LARP7: variants seen among roughly 807,000 people sequenced by gnomAD.
LARP7 encodes the protein la-related protein 7.
In LARP7, 52 loss-of-function variants were observed where a neutral mutation model predicts 69.3. The observed-to-expected ratio is 0.75, with a 90% confidence interval of 0.60 to 0.95. The LOEUF is 0.95. Among genes scored for constraint, LARP7 ranks in the 40% least tolerant of loss-of-function variants. LARP7 has a pLI of 0.00. For missense variants in LARP7, 733 were observed against 673.0 expected (o/e 1.09, Z -0.99); for synonymous variants, 254 against 215.9 (o/e 1.18, Z -1.55).
intron 12 of LARP7, chr4:112,655,269 A>C (rs2048909780): frequency 6.6e-6 from 1 of 152,234 alleles, no homozygotes; most frequent in Non-Finnish European, 1.5e-5. Context: ...ACTTTGTTAA[A>C]TAATACCCTT....
At position 112,657,333 on chromosome 4, in the gene LARP7, A is replaced by C. The variant is rs575473316; in HGVS notation, c.*6A>C. On this transcript the variant is annotated 3_prime_UTR_variant, in exon 13 of 13. Transcript: ENST00000344442. ...GATTTTCTGAATATGATTGAAAAAA[A>C]AAACAGTTCACCTCTTAATACTTCA... The C allele has an allele frequency of 5.3e-6, 8 of 1,522,478 alleles. No homozygotes were observed. The highest frequency in any genetic ancestry group is 4.1e-5 in the African/African-American group (3 of 72,568). 94.3% of individuals were successfully genotyped at this position (1,522,478 alleles called of 1,614,324 possible).
chr4:112,639,379 T>TTTTTC (rs1264033575), intron 1 of LARP7, among the ~76,000 whole-genome samples: 1 of 151,836 alleles, frequency 6.6e-6, no homozygotes, highest in Admixed American at 6.6e-5. Flanking sequence ...CCGGCTAATT[T>TTTTTC]TTTTCTTTTC....
At chr4:112,653,348 C>T (rs1465428410) in intron 11 of LARP7, 112 bp downstream of exon 11, 5 of 806,200 alleles carry the variant, frequency 6.2e-6, no homozygotes, top group Admixed American at 3.6e-5. Flanking sequence ...CTTGCTCTGT[C>T]GCTCAGGCTG....
chr4:112,643,049 G>C (rs1236898326), intron 1 of LARP7, among the ~76,000 whole-genome samples: 1 of 152,184 alleles, frequency 6.6e-6, no homozygotes, highest in Non-Finnish European at 1.5e-5. Context: ...CAACAAAATC[G>C]AGGCACAATT....
At chr4:112,642,192 C>G (rs890284329) in intron 1 of LARP7, among the ~76,000 whole-genome samples, 4 of 152,166 alleles carry the variant, frequency 2.6e-5, no homozygotes, top group African/African-American at 9.7e-5. Flanking sequence ...TGCAGTTTCT[C>G]TAGAATGGTG....
Position 112,647,371 on chromosome 4 carries a change from A to G in LARP7, c.819A>G (p.Ser273=), listed in dbSNP as rs753043822. The change falls in exon 7 of 13, where the codon TCA becomes TCG. Residue 273 remains serine, a synonymous_variant. Transcript: ENST00000344442. Reference sequence around the variant, plus strand: ...CCACTGAACCCCAAAAGCAGTGCTCAAAGAAAAAGAAAAAACGGGACAGAG... The same window carrying G: ...CCACTGAACCCCAAAAGCAGTGCTCGAAGAAAAAGAAAAAACGGGACAGAG... The part of the protein sequence containing the change: ...IESTEPQKQC[S]KKKKKRDRVE... 3.1e-6 allele frequency: 5 copies of G among 1,614,012 alleles called. No homozygotes were observed. The highest frequency in any genetic ancestry group is 1.3e-5 in the African/African-American group (1 of 74,936).
chr4:112,650,876 A>G (rs548647029), intron 10 of LARP7, among the ~76,000 whole-genome samples: 106 of 152,112 alleles, frequency 7.0e-4, no homozygotes, highest in Non-Finnish European at 1.3e-3. Context: ...TGTATTACCT[A>G]TGTGCTGATT....
intron 2 of LARP7, 74 bp downstream of exon 2, chr4:112,644,945 CTT>C (rs58234206): frequency 3.8e-3 from 641 of 167,746 alleles, no homozygotes; most frequent in Non-Finnish European, 4.7e-3. Flanking sequence ...ATAATATATT[CTT>C]TTTTTTTTTT....
chr4:112,648,588 G>A (rs751843581), intron 8 of LARP7: 5 of 499,262 alleles, frequency 1.0e-5, no homozygotes, highest in African/African-American at 9.8e-5. Flanking sequence ...TTGGACTTCA[G>A]AGTATTTAGA....
intron 8 of LARP7, among the ~76,000 whole-genome samples, chr4:112,649,177 G>A (rs1300474661): frequency 6.6e-6 from 1 of 152,062 alleles, no homozygotes; most frequent in Non-Finnish European, 1.5e-5. Flanking sequence ...CAAATTGGAA[G>A]CAGTTTAACA....
chr4:112,651,197 A>C (rs774437027), intron 10 of LARP7, among the ~76,000 whole-genome samples: 1 of 152,204 alleles, frequency 6.6e-6, no homozygotes, highest in Non-Finnish European at 1.5e-5. Flanking sequence ...GCTCTGTAAC[A>C]TACCACATAT....
At chr4:112,655,003 C>CAA (rs916695747) in intron 12 of LARP7, among the ~76,000 whole-genome samples, 1,542 of 117,302 alleles carry the variant, frequency 0.013, 17 homozygotes, top group African/African-American at 0.037. Flanking sequence ...CATATTTATA[C>CAA]AAAAAAAAAA....
rs775934837 is a variant in LARP7 at position 112,646,392 on chromosome 4, A to ATT, written c.244_245insTT (p.Lys82IlefsTer3). On this transcript the variant is annotated frameshift_variant, in exon 3 of 13. Transcript: ENST00000344442. LOFTEE classifies it high-confidence loss of function. ...ACTTGTGTCTTTTAACAAAATGAAA[A>ATT]AATTGACTACTGATGGGAAGTTAAT... The ATT allele has an allele frequency of 6.2e-7, 1 of 1,603,132 alleles. No homozygotes were observed. Among genetic ancestry groups the ATT allele is most frequent in the South Asian group, 1.1e-5 (1 of 90,436 alleles).
chr4:112,648,328 A>T lies in LARP7; in HGVS notation c.1142+494A>T, dbSNP rs550687674. ...TAACCTTAAAACACAATAACAAAAA[A>T]ATTTTGTAACAAAAGGTGTGCTGGC... is the stretch of plus-strand genomic sequence containing the variant. On this transcript the variant is annotated intron_variant, in intron 8 of 12. Transcript: ENST00000344442. The T allele has an allele frequency of 8.1e-5, 43 of 529,396 alleles. No homozygotes were observed. In the East Asian group the frequency reaches 2.2e-3, roughly 28 times the overall value. 32.8% of individuals were successfully genotyped at this position (529,396 alleles called of 1,614,324 possible). A position where few individuals can be genotyped will look rare whatever the true frequency, so the allele number is the denominator to read the frequency against.
intron 1 of LARP7, among the ~76,000 whole-genome samples, chr4:112,639,833 T>A (rs988023075): frequency 2.6e-5 from 4 of 152,122 alleles, no homozygotes; most frequent in African/African-American, 7.2e-5. Flanking sequence ...AATAATTGGA[T>A]AGAATTATTG....
At chr4:112,648,318 A>G (rs764851038) in intron 8 of LARP7, 12 of 529,402 alleles carry the variant, frequency 2.3e-5, no homozygotes, top group South Asian at 1.3e-4. Context: ...TTAAAACACA[A>G]TAACAAAAAA....
At chr4:112,653,319 C>A in intron 11 of LARP7, 83 bp downstream of exon 11, 1 of 1,197,330 alleles carries the variant, frequency 8.4e-7, no homozygotes, top group Non-Finnish European at 1.1e-6. Flanking sequence ...GCTAATGAAA[C>A]TAGTTTTTTT....
At position 112,647,307 on chromosome 4, in the gene LARP7, A is replaced by G; in HGVS notation, c.755A>G (p.Lys252Arg). The change falls in exon 7 of 13, where the codon AAA (lysine) becomes AGA (arginine). Residue 252 changes from lysine to arginine, a missense_variant. Transcript: ENST00000344442. Reference protein sequence around the residue: ...DTSNTSISKMKRSRPTSEGSD... With the variant: ...DTSNTSISKMRRSRPTSEGSD... ...AGCAACACCAGCATCAGTAAAATGA[A>G]AAGATCCAGACCCACATCTGAGGGC... is the stretch of plus-strand genomic sequence containing the variant. 1 of 1,614,068 alleles carries G rather than the reference A, an allele frequency of 6.2e-7. No homozygotes were observed. The highest frequency in any genetic ancestry group is 8.5e-7 in the Non-Finnish European group (1 of 1,180,024).
intron 1 of LARP7, among the ~76,000 whole-genome samples, chr4:112,643,838 G>A (rs1339712765): frequency 6.6e-6 from 1 of 151,866 alleles, no homozygotes; most frequent in African/African-American, 2.4e-5. Flanking sequence ...GGCAACAGAG[G>A]AAGACTGCCT....
Sources: gnomAD v4.1 joint callset for allele counts (sites outside exome capture counted in the v4.1 genomes callset) on GRCh38, gnomAD v4.1.1 for gene constraint, MANE v1.5 for transcripts, NCBI Gene and HGNC (gene_info 2026-07-23, HGNC 2026-07-21) for gene names.